The following MCTP1 variants were observed in gnomAD, a reference collection of about 807,000 sequenced individuals.
MCTP1 encodes multiple C2 and transmembrane domain-containing protein 1.
A neutral mutation model predicts 120.6 loss-of-function variants in MCTP1; 69 were observed. The observed-to-expected ratio is 0.57, with a 90% CI of 0.47 to 0.70. MCTP1 has a LOEUF of 0.70. MCTP1 is among the 30% of genes least tolerant of loss of function. MCTP1 has a pLI of 0.00. For missense variants in MCTP1, 1,203 were observed against 1,248.8 expected (o/e 0.96, Z 0.55); for synonymous variants, 529 against 493.1 (o/e 1.07, Z -0.96).
chr5:95,000,095 T>C (rs1833380928), intron 2 of MCTP1, among the ~76,000 whole-genome samples: 1 of 152,160 alleles, frequency 6.6e-6, no homozygotes, highest in Non-Finnish European at 1.5e-5. Context: ...TCCCACAAGA[T>C]TATCATGGAC....
intron 1 of MCTP1, among the ~76,000 whole-genome samples, chr5:95,200,293 C>T (rs1023153956): frequency 2.0e-5 from 3 of 151,948 alleles, no homozygotes; most frequent in African/African-American, 7.3e-5. Flanking sequence ...TATGGAAATT[C>T]CTCAAAAAAT....
chr5:95,198,186 A>C (rs925375870), intron 1 of MCTP1, among the ~76,000 whole-genome samples: 1 of 152,060 alleles, frequency 6.6e-6, no homozygotes, highest in Non-Finnish European at 1.5e-5. Flanking sequence ...TGCATATCTA[A>C]ATGCATAGAG....
chr5:94,856,594 T>C (rs1448196658), intron 17 of MCTP1, among the ~76,000 whole-genome samples: 2 of 151,332 alleles, frequency 1.3e-5, no homozygotes, highest in South Asian at 4.2e-4. Context: ...AGGAAGACTG[T>C]GTAAAAAAAA....
intron 1 of MCTP1, among the ~76,000 whole-genome samples, chr5:95,129,748 C>G (rs1376818073): frequency 2.0e-5 from 3 of 152,172 alleles, no homozygotes; most frequent in African/African-American, 4.8e-5. Flanking sequence ...CAACCTCCGC[C>G]TTCTGGGTTC....
intron 19 of MCTP1, among the ~76,000 whole-genome samples, chr5:94,730,149 A>G (rs1180151541): frequency 6.6e-6 from 1 of 152,142 alleles, no homozygotes; most frequent in African/African-American, 2.4e-5. Flanking sequence ...GTTTGGCTTG[A>G]GCAACTGGGT....
intron 6 of MCTP1, among the ~76,000 whole-genome samples, chr5:94,925,096 C>T (rs1352409534): frequency 2.0e-5 from 3 of 152,176 alleles, no homozygotes; most frequent in Admixed American, 6.5e-5. Flanking sequence ...TAGATTTAGG[C>T]CTTTATTTCA....
intron 20 of MCTP1, among the ~76,000 whole-genome samples, chr5:94,711,346 A>C (rs560573342): frequency 6.6e-6 from 1 of 152,114 alleles, no homozygotes; most frequent in Non-Finnish European, 1.5e-5. Flanking sequence ...CCATATTGGG[A>C]ATAAAATGTT....
At chr5:95,087,873 A>G (rs2152335492) in intron 1 of MCTP1, among the ~76,000 whole-genome samples, 1 of 152,258 alleles carries the variant, frequency 6.6e-6, no homozygotes, top group South Asian at 2.1e-4. Flanking sequence ...GCATGTCTTT[A>G]GGGAGACCTT....
At chr5:94,965,114 A>C (rs1217080335) in intron 2 of MCTP1, among the ~76,000 whole-genome samples, 1 of 152,112 alleles carries the variant, frequency 6.6e-6, no homozygotes, top group South Asian at 2.1e-4. Context: ...AACTCTCTGA[A>C]TCATTTCTTA....
intron 5 of MCTP1, among the ~76,000 whole-genome samples, chr5:94,938,551 G>T (rs975638410): frequency 6.6e-6 from 1 of 151,780 alleles, no homozygotes; most frequent in African/African-American, 2.4e-5. Flanking sequence ...TTAACCCCTG[G>T]CTAGTAAAAA....
intron 1 of MCTP1, among the ~76,000 whole-genome samples, chr5:95,145,462 A>G (rs1656381313): frequency 6.6e-6 from 1 of 152,008 alleles, no homozygotes. Flanking sequence ...GGGCATCCTT[A>G]TCTTGTTCTA....
At chr5:95,174,566 C>G (rs567829694) in intron 1 of MCTP1, among the ~76,000 whole-genome samples, 1 of 152,236 alleles carries the variant, frequency 6.6e-6, no homozygotes, top group East Asian at 1.9e-4. Flanking sequence ...CAGAAAATGT[C>G]TGTCTCATTC....
chr5:95,201,122 A>T (rs1418902637), intron 1 of MCTP1, among the ~76,000 whole-genome samples: 1 of 152,202 alleles, frequency 6.6e-6, no homozygotes, highest in Admixed American at 6.5e-5. Context: ...AACACACTCC[A>T]TTGGTGAATC....
intron 1 of MCTP1, among the ~76,000 whole-genome samples, chr5:95,020,403 T>C (rs568064089): frequency 6.6e-6 from 1 of 152,222 alleles, no homozygotes; most frequent in South Asian, 2.1e-4. Flanking sequence ...CTTATATTTA[T>C]TTGCTGTAGT....
intron 1 of MCTP1, among the ~76,000 whole-genome samples, chr5:95,205,562 C>G (rs915420656): frequency 5.3e-5 from 8 of 152,030 alleles, no homozygotes; most frequent in African/African-American, 1.9e-4. Flanking sequence ...CCCCACAGAA[C>G]AGGAAAAGCT....
chr5:94,812,163 G>T (rs1418855859), intron 17 of MCTP1, among the ~76,000 whole-genome samples: 4 of 152,032 alleles, frequency 2.6e-5, no homozygotes, highest in African/African-American at 9.7e-5. Flanking sequence ...AAACAAAAGG[G>T]GATATTAAGC....
chr5:95,233,930 G>A (rs1755246324), intron 1 of MCTP1, among the ~76,000 whole-genome samples: 1 of 151,854 alleles, frequency 6.6e-6, no homozygotes, highest in Non-Finnish European at 1.5e-5. Context: ...GAAAAACAGT[G>A]GGGAAAGTCA....
chr5:94,805,178 T>C (rs1782031145), intron 17 of MCTP1, among the ~76,000 whole-genome samples: 1 of 152,234 alleles, frequency 6.6e-6, no homozygotes, highest in South Asian at 2.1e-4. Context: ...CAAAAATCTT[T>C]TATCTAAATC....
intron 1 of MCTP1, among the ~76,000 whole-genome samples, chr5:95,143,449 C>T (rs1405611010): frequency 1.3e-5 from 2 of 152,048 alleles, no homozygotes; most frequent in Non-Finnish European, 2.9e-5. Flanking sequence ...TCAGAGAGTA[C>T]ATGTGCAGGT....
Sources: allele counts gnomAD v4.1 joint callset (sites outside exome capture counted in the v4.1 genomes callset), GRCh38; gene constraint gnomAD v4.1.1; transcripts MANE v1.5; gene names NCBI Gene and HGNC (gene_info 2026-07-23, HGNC 2026-07-21).